PPP6R2: variants seen among roughly 807,000 people sequenced by gnomAD.
PPP6R2 encodes serine/threonine-protein phosphatase 6 regulatory subunit 2.
Under a neutral mutation model 100.2 loss-of-function variants are expected in PPP6R2, and 62 were observed. The ratio of observed to expected loss-of-function variants is 0.62; its 90% confidence interval spans 0.50 to 0.76. The LOEUF is 0.76. Ranked by LOEUF, PPP6R2 falls within the 30% of genes least tolerant of loss-of-function variation. PPP6R2 has a pLI of 0.00. For missense variants in PPP6R2, 1,142 were observed against 1,276.3 expected, an observed-to-expected ratio of 0.89 and a Z score of 1.60; for synonymous variants, 525 against 514.7, an observed-to-expected ratio of 1.02 and a Z score of -0.27.
chr22:50,424,183 C>T (rs890230358), intron 10 of PPP6R2, among the ~76,000 whole-genome samples: 3 of 152,190 alleles, frequency 2.0e-5, no homozygotes, highest in Non-Finnish European at 2.9e-5. Flanking sequence ...GGCTGCTCCC[C>T]TGAGAACGAA....
At chr22:50,433,253 C>T (rs2063518242) in intron 12 of PPP6R2, among the ~76,000 whole-genome samples, 1 of 143,382 alleles carries the variant, frequency 7.0e-6, no homozygotes, top group Non-Finnish European at 1.5e-5. Context: ...GGGCAGGGGC[C>T]GGGCATTTGC....
At chr22:50,352,595 C>T (rs147724346) in intron 1 of PPP6R2, among the ~76,000 whole-genome samples, 206 of 151,878 alleles carry the variant, frequency 1.4e-3, no homozygotes, top group African/African-American at 4.7e-3. Flanking sequence ...TATGGTGGTG[C>T]GTGCCTGTAG....
rs73439337 is a variant in PPP6R2, at chr22:50,349,405, G to A, written c.-148+5855G>A. The stretch of plus-strand genomic sequence containing the variant: ...AAAAACGGGCTGGACGTGGTGACTC[G>A]TGCCTATAATCCCAGCACTTTGGGA... On this transcript the variant is annotated intron_variant, in intron 1 of 23. Coordinates refer to ENST00000612753, the MANE Select transcript of PPP6R2 (RefSeq NM_001242898.2). Among the ~76,000 whole-genome samples, 19 of 145,380 alleles carry A rather than the reference G, an allele frequency of 1.3e-4. No homozygotes were observed. The East Asian group carries it at 3.7e-3, about 29-fold the overall frequency.
chr22:50,380,980 C>A (rs1311243733), intron 2 of PPP6R2, among the ~76,000 whole-genome samples: 4 of 132,704 alleles, frequency 3.0e-5, no homozygotes. Flanking sequence ...CAGCGAGACT[C>A]CATCTCAAAA....
At chr22:50,405,445 AAGGCCTGGAGAGAGGTGAG>A (rs2058713332) in intron 3 of PPP6R2, among the ~76,000 whole-genome samples, 1 of 111,030 alleles carries the variant, frequency 9.0e-6, no homozygotes, top group African/African-American at 3.5e-5. Context: ...GGCAAGTGTG[AAGGCCTGGAGAGAGGTGAG>A]AGGCCTGGAG....
intron 2 of PPP6R2, among the ~76,000 whole-genome samples, chr22:50,382,234 C>T (rs1440230057): frequency 6.6e-6 from 1 of 152,068 alleles, no homozygotes; most frequent in Non-Finnish European, 1.5e-5. Context: ...CCAAAATGAT[C>T]CAAAGCTATA....
At chr22:50,407,809 G>A (rs756833540) in intron 4 of PPP6R2, among the ~76,000 whole-genome samples, 16 of 141,166 alleles carry the variant, frequency 1.1e-4, no homozygotes, top group African/African-American at 3.4e-4. Context: ...TGCCCCACCC[G>A]CCCATCCCTG....
At chr22:50,376,382 G>A (rs1258750895) in intron 2 of PPP6R2, among the ~76,000 whole-genome samples, 1 of 152,034 alleles carries the variant, frequency 6.6e-6, no homozygotes, top group African/African-American at 2.4e-5. Context: ...AAGACTTCAG[G>A]TATTGGAATT....
upstream of PPP6R2, among the ~76,000 whole-genome samples, chr22:50,339,802 A>ATG (rs1569219124): frequency 1.0e-4 from 2 of 19,694 alleles, no homozygotes; most frequent in East Asian, 1.9e-3. Context: ...TGTGTGGGGT[A>ATG]TGTGTGTGTG....
chr22:50,389,998 CT>C (rs112025241), intron 2 of PPP6R2, among the ~76,000 whole-genome samples: 49,399 of 137,276 alleles, frequency 0.36, 8,685 homozygotes, highest in South Asian at 0.6. Context: ...CTTTTTTTTT[CT>C]TTTTTTTTTT....
intron 8 of PPP6R2, among the ~76,000 whole-genome samples, chr22:50,420,992 T>C (rs2061258540): frequency 6.6e-6 from 1 of 152,234 alleles, no homozygotes; most frequent in Admixed American, 6.5e-5. Flanking sequence ...CCAACACTGA[T>C]AGCCTGTGCT....
At chr22:50,400,597 T>C (rs973210532) in intron 3 of PPP6R2, among the ~76,000 whole-genome samples, 4 of 152,194 alleles carry the variant, frequency 2.6e-5, no homozygotes, top group Non-Finnish European at 5.9e-5. Flanking sequence ...TAATGTGGAA[T>C]TATTCCATGG....
chr22:50,360,702 C>T (rs1294844625), intron 1 of PPP6R2, among the ~76,000 whole-genome samples: 1 of 152,054 alleles, frequency 6.6e-6, no homozygotes, highest in African/African-American at 2.4e-5. Flanking sequence ...ACCGAGGAGC[C>T]ACAGAGAAGC....
At chr22:50,409,231 C>T (rs573995936) in intron 4 of PPP6R2, among the ~76,000 whole-genome samples, 1 of 152,146 alleles carries the variant, frequency 6.6e-6, no homozygotes, top group African/African-American at 2.4e-5. Context: ...GTGAAATGAC[C>T]GTCCGCATTT....
chr22:50,409,894 T>TTTTTATA (rs2059501227), intron 4 of PPP6R2, among the ~76,000 whole-genome samples: 1 of 151,700 alleles, frequency 6.6e-6, no homozygotes, highest in Admixed American at 6.6e-5. Flanking sequence ...ACTGGGGTAA[T>TTTTTATA]TTTTATATTT....
At chr22:50,441,109 GAGA>G in intron 22 of PPP6R2, 83 bp downstream of exon 22, 2 of 1,188,312 alleles carry the variant, frequency 1.7e-6, no homozygotes, top group Non-Finnish European at 2.3e-6. Flanking sequence ...CAGCTCCCCT[GAGA>G]GGAGGTGAGG....
intron 1 of PPP6R2, among the ~76,000 whole-genome samples, chr22:50,369,745 G>T (rs956252489): frequency 6.6e-6 from 1 of 151,996 alleles, no homozygotes; most frequent in African/African-American, 2.4e-5. Context: ...GACCTCAAGT[G>T]ATCACCCACC....
intron 10 of PPP6R2, among the ~76,000 whole-genome samples, chr22:50,426,096 G>C (rs1253956394): frequency 6.6e-6 from 1 of 152,072 alleles, no homozygotes; most frequent in East Asian, 1.9e-4. Flanking sequence ...AAGACTGCAG[G>C]CATGCGCCAC....
intron 22 of PPP6R2, 42 bp downstream of exon 22, chr22:50,441,068 G>A (rs1180465294): frequency 1.4e-6 from 2 of 1,452,378 alleles, no homozygotes; most frequent in East Asian, 5.0e-5. Flanking sequence ...GGGTGCATAG[G>A]GCGTGGCTTC....
Sources: allele counts gnomAD v4.1 joint callset (sites outside exome capture counted in the v4.1 genomes callset), GRCh38; gene constraint gnomAD v4.1.1; transcripts MANE v1.5; gene names NCBI Gene and HGNC (gene_info 2026-07-23, HGNC 2026-07-21).